MAP3K5: variants seen among roughly 807,000 people sequenced by gnomAD.
MAP3K5 encodes the protein ASK-1.
In MAP3K5, 56 loss-of-function variants were observed where a neutral mutation model predicts 158.7. The observed-to-expected ratio is 0.35, with a 90% CI of 0.28 to 0.44. MAP3K5 has a LOEUF of 0.44. Ranked by LOEUF, MAP3K5 falls within the 20% of genes least tolerant of loss-of-function variation. MAP3K5 has a pLI of 1.00. For synonymous variants in MAP3K5, 579 were observed against 601.7 expected (o/e 0.96, Z 0.55); for missense variants, 1,294 against 1,674.8 (o/e 0.77, Z 3.97).
At chr6:136,677,277 A>G (rs1779749496) in intron 7 of MAP3K5, among the ~76,000 whole-genome samples, 1 of 151,046 alleles carries the variant, frequency 6.6e-6, no homozygotes, top group Non-Finnish European at 1.5e-5. Flanking sequence ...AGCTGGGACT[A>G]CAGGTGCCCG....
At chr6:136,682,076 T>C (rs1192679540) in intron 7 of MAP3K5, among the ~76,000 whole-genome samples, 1 of 152,226 alleles carries the variant, frequency 6.6e-6, no homozygotes, top group East Asian at 1.9e-4. Flanking sequence ...GGACACACTG[T>C]GTGTTTTACC....
intron 5 of MAP3K5, among the ~76,000 whole-genome samples, chr6:136,696,782 T>A (rs181373224): frequency 1.4e-4 from 22 of 152,324 alleles, no homozygotes; most frequent in African/African-American, 4.1e-4. Context: ...AATTACATAT[T>A]TTTTCCTTCA....
At chr6:136,780,581 C>T (rs980124120) in intron 1 of MAP3K5, among the ~76,000 whole-genome samples, 7 of 152,096 alleles carry the variant, frequency 4.6e-5, no homozygotes, top group East Asian at 1.9e-4. Flanking sequence ...TGTAATGTGG[C>T]GCTTCCTGTG....
chr6:136,581,208 T>C (rs1774860608), intron 24 of MAP3K5, among the ~76,000 whole-genome samples: 1 of 152,244 alleles, frequency 6.6e-6, no homozygotes, highest in Non-Finnish European at 1.5e-5. Flanking sequence ...ATAAGTGGAA[T>C]TACAGTATTT....
At chr6:136,730,206 C>A (rs1395758126) in intron 1 of MAP3K5, among the ~76,000 whole-genome samples, 1 of 150,430 alleles carries the variant, frequency 6.6e-6, no homozygotes, top group Non-Finnish European at 1.5e-5. Flanking sequence ...ACTATGTCGA[C>A]CAAGCTGGTC....
chr6:136,755,680 C>T, intron 1 of MAP3K5, among the ~76,000 whole-genome samples: 1 of 135,806 alleles, frequency 7.4e-6, no homozygotes, highest in Non-Finnish European at 1.6e-5. Flanking sequence ...CAGAGCAAGA[C>T]TCTGTCTCCA....
At chr6:136,567,042 G>T (rs531368560) in intron 26 of MAP3K5, among the ~76,000 whole-genome samples, 13 of 152,284 alleles carry the variant, frequency 8.5e-5, no homozygotes, top group African/African-American at 3.1e-4. Context: ...AACAACATCT[G>T]CAAAGAACAG....
At chr6:136,746,167 A>C (rs1453538225) in intron 1 of MAP3K5, among the ~76,000 whole-genome samples, 1 of 152,202 alleles carries the variant, frequency 6.6e-6, no homozygotes, top group East Asian at 1.9e-4. Flanking sequence ...ACAAATACCA[A>C]CTATGGTAAA....
At chr6:136,771,626 T>G (rs1198915864) in intron 1 of MAP3K5, among the ~76,000 whole-genome samples, 1 of 152,172 alleles carries the variant, frequency 6.6e-6, no homozygotes, top group Non-Finnish European at 1.5e-5. Flanking sequence ...GCTACTACTC[T>G]CTGCCTACTG....
chr6:136,747,706 G>A (rs1025031676), intron 1 of MAP3K5, among the ~76,000 whole-genome samples: 3 of 152,182 alleles, frequency 2.0e-5, no homozygotes, highest in African/African-American at 7.2e-5. Flanking sequence ...AGGATATTGT[G>A]TCAAAAAAGA....
chr6:136,654,610 C>T (rs11154877), intron 10 of MAP3K5, among the ~76,000 whole-genome samples: 2 of 152,058 alleles, frequency 1.3e-5, no homozygotes, highest in Non-Finnish European at 2.9e-5. Context: ...CCATGCCTGG[C>T]TAATTTTGTA....
chr6:136,753,585 G>A (rs192679743), intron 1 of MAP3K5, among the ~76,000 whole-genome samples: 317 of 152,046 alleles, frequency 2.1e-3, no homozygotes, highest in Non-Finnish European at 3.5e-3. Context: ...TTAAATTGAT[G>A]GACTCTAAAT....
chr6:136,644,582 C>T (rs913431470), intron 11 of MAP3K5, among the ~76,000 whole-genome samples: 4 of 152,206 alleles, frequency 2.6e-5, no homozygotes, highest in Non-Finnish European at 5.9e-5. Context: ...CTGAAGGTGG[C>T]AGGAGTTATA....
Position 136,645,476 on chromosome 6 carries a change from G to A in MAP3K5, c.1789-2907C>T, listed in dbSNP as rs145946782. 7.7e-3 allele frequency among the ~76,000 whole-genome samples: 1,170 copies of A among 152,228 alleles called. 14 individuals carry two copies. The highest frequency in any genetic ancestry group is 0.026 in the African/African-American group (1,060 of 41,528). On this transcript the variant is annotated intron_variant, in intron 11 of 29. Transcript: ENST00000359015. ...GGCCCCTGCCTTTGCTTGATAATCCGTGAGGTAGGCCAAGGGTGCCCAAAC... is the reference window on the plus strand; with the variant it reads ...GGCCCCTGCCTTTGCTTGATAATCCATGAGGTAGGCCAAGGGTGCCCAAAC...
intron 25 of MAP3K5, among the ~76,000 whole-genome samples, chr6:136,574,464 C>T (rs1338937537): frequency 1.3e-5 from 2 of 152,100 alleles, no homozygotes; most frequent in Non-Finnish European, 2.9e-5. Context: ...CTTACATTAT[C>T]AATACTCTTA....
At chr6:136,763,078 C>T (rs1783823575) in intron 1 of MAP3K5, among the ~76,000 whole-genome samples, 1 of 152,148 alleles carries the variant, frequency 6.6e-6, no homozygotes, top group Admixed American at 6.5e-5. Flanking sequence ...CTGCAACCTC[C>T]ACCTCCCAGG....
At chr6:136,585,469 T>TTTTCTTTTCTTTTCTTTCTTTC (rs35799129) in intron 23 of MAP3K5, among the ~76,000 whole-genome samples, 1 of 131,426 alleles carries the variant, frequency 7.6e-6, no homozygotes. Context: ...CTTTCTTTTC[T>TTTTCTTTTCTTTTCTTTCTTTC]TTTCTTTATT....
intron 14 of MAP3K5, among the ~76,000 whole-genome samples, chr6:136,623,301 G>A (rs1421683417): frequency 2.0e-5 from 3 of 152,166 alleles, no homozygotes; most frequent in Admixed American, 6.5e-5. Flanking sequence ...GTGAAACAGT[G>A]TATAACTAGC....
chr6:136,769,806 AGGGAGGGGACGGG>A (rs1562691225), intron 1 of MAP3K5, among the ~76,000 whole-genome samples: 1 of 42,866 alleles, frequency 2.3e-5, no homozygotes. Flanking sequence ...GGAGGGAGGG[AGGGAGGGGACGGG>A]AGGGAGGGAG....
Sources: gnomAD v4.1 joint callset for allele counts (sites outside exome capture counted in the v4.1 genomes callset) on GRCh38, gnomAD v4.1.1 for gene constraint, MANE v1.5 for transcripts, NCBI Gene and HGNC (gene_info 2026-07-23, HGNC 2026-07-21) for gene names.